The following ZFHX3 variants were observed in gnomAD, a reference collection of about 807,000 sequenced individuals.
The protein encoded by ZFHX3 is zinc finger homeobox 3, also known as zinc finger homeobox protein 3.
Under a neutral mutation model 279.1 loss-of-function variants are expected in ZFHX3, and 42 were observed. The ratio of observed to expected loss-of-function variants is 0.15; its 90% confidence interval spans 0.12 to 0.19. ZFHX3 has a LOEUF of 0.19. ZFHX3 is among the 10% of genes least tolerant of loss of function. ZFHX3 has a pLI of 1.00. For synonymous variants in ZFHX3, 2,293 were observed against 1,957.8 expected (o/e 1.17, Z -4.52); for missense variants, 4,981 against 4,754.0 (o/e 1.05, Z -1.40).
chr16:73,385,484 C>G (rs531345249), intron 3 of ZFHX3, among the ~76,000 whole-genome samples: 2 of 152,250 alleles, frequency 1.3e-5, no homozygotes, highest in African/African-American at 4.8e-5. Flanking sequence ...CAGCTCCAAT[C>G]TCTCCAACTG....
chr16:73,642,843 C>A (rs1480570), intron 2 of ZFHX3, among the ~76,000 whole-genome samples: 82,988 of 151,972 alleles, frequency 0.55, 25,409 homozygotes, highest in East Asian at 0.82. Context: ...TCAAACTGCT[C>A]CATCCATCAA....
chr16:73,057,596 A>T (rs755609558), intron 1 of ZFHX3, among the ~76,000 whole-genome samples: 1 of 151,244 alleles, frequency 6.6e-6, no homozygotes, highest in Non-Finnish European at 1.5e-5. Flanking sequence ...GCATCCTCGG[A>T]TGTCTCTGAG....
At chr16:72,820,488 TAATA>T (rs2036759856) in intron 5 of ZFHX3, among the ~76,000 whole-genome samples, 1 of 152,228 alleles carries the variant, frequency 6.6e-6, no homozygotes, top group African/African-American at 2.4e-5. Context: ...TTGGTCTGTT[TAATA>T]AATTATAGGC....
chr16:72,911,224 A>G (rs1161626689), intron 3 of ZFHX3, among the ~76,000 whole-genome samples: 2 of 152,248 alleles, frequency 1.3e-5, no homozygotes, highest in Non-Finnish European at 2.9e-5. Flanking sequence ...ATTCTGCCAC[A>G]GGAGTTAATA....
chr16:73,582,621 C>T (rs2051873886), intron 2 of ZFHX3, among the ~76,000 whole-genome samples: 1 of 151,796 alleles, frequency 6.6e-6, no homozygotes. Context: ...ATTACAGGTG[C>T]CCAGCACCAC....
intron 4 of ZFHX3, among the ~76,000 whole-genome samples, chr16:73,307,033 T>C (rs536474091): frequency 9.5e-4 from 144 of 152,314 alleles, no homozygotes; most frequent in African/African-American, 3.3e-3. Context: ...ACTGACAACA[T>C]AAAATGGAGG....
chr16:73,526,051 A>T (rs2019686476), intron 2 of ZFHX3, among the ~76,000 whole-genome samples: 1 of 152,214 alleles, frequency 6.6e-6, no homozygotes, highest in African/African-American at 2.4e-5. Context: ...TAACATAAAG[A>T]TGAGGACGTG....
At chr16:72,965,851 T>C (rs942393604) in intron 1 of ZFHX3, among the ~76,000 whole-genome samples, 6 of 152,188 alleles carry the variant, frequency 3.9e-5, no homozygotes, top group African/African-American at 7.2e-5. Flanking sequence ...AGGGGTGGGA[T>C]GATCCTGAGG....
chr16:73,458,594 G>T (rs1183436198), intron 2 of ZFHX3, among the ~76,000 whole-genome samples: 1 of 152,046 alleles, frequency 6.6e-6, no homozygotes, highest in Non-Finnish European at 1.5e-5. Flanking sequence ...CTGACCTCAG[G>T]TGATCCACTC....
intron 5 of ZFHX3, among the ~76,000 whole-genome samples, chr16:72,814,668 G>A (rs925706692): frequency 1.3e-5 from 2 of 150,434 alleles, no homozygotes; most frequent in Non-Finnish European, 3.0e-5. Flanking sequence ...TCTTTTGTGA[G>A]CTTGAGCTAA....
At position 73,129,166 on chromosome 16, in the gene ZFHX3, A is replaced by G. The variant is rs542468693; in HGVS notation, c.-897+1802T>C. ...TTTGGGAGGCTGAAGTGGGCAGATCACTTGAGGTCGGGAGTTTCTAAGACC... is the reference window on the plus strand; with the variant it reads ...TTTGGGAGGCTGAAGTGGGCAGATCGCTTGAGGTCGGGAGTTTCTAAGACC... On this transcript the variant is annotated intron_variant, in intron 7 of 17. Coordinates refer to the ZFHX3 transcript ENST00000641206. Among the ~76,000 whole-genome samples the G allele has an allele frequency of 9.2e-5, 14 of 152,208 alleles. 1 individual carries two copies. The East Asian group carries it at 2.7e-3, about 29-fold the overall frequency.
intron 2 of ZFHX3, among the ~76,000 whole-genome samples, chr16:73,492,009 G>A (rs1473743381): frequency 1.3e-5 from 2 of 152,148 alleles, no homozygotes; most frequent in African/African-American, 4.8e-5. Context: ...CCTTTCAGCT[G>A]CATATTCTTG....
intron 2 of ZFHX3, among the ~76,000 whole-genome samples, chr16:73,623,947 C>G (rs2052392561): frequency 6.6e-6 from 1 of 152,174 alleles, no homozygotes. Context: ...GTTATAGAAT[C>G]TAATCTTGGG....
intron 2 of ZFHX3, among the ~76,000 whole-genome samples, chr16:73,513,452 A>C (rs1199857181): frequency 6.6e-6 from 1 of 152,182 alleles, no homozygotes; most frequent in Admixed American, 6.5e-5. Flanking sequence ...CCAAGGTAGG[A>C]GCATTTTCCT....
At chr16:73,032,721 C>G (rs183188710) in intron 1 of ZFHX3, among the ~76,000 whole-genome samples, 2 of 151,898 alleles carry the variant, frequency 1.3e-5, no homozygotes, top group Non-Finnish European at 1.5e-5. Flanking sequence ...AGAGTCCACA[C>G]GCTTGCAAAG....
intron 2 of ZFHX3, among the ~76,000 whole-genome samples, chr16:73,626,411 A>G (rs2052417329): frequency 1.3e-5 from 2 of 152,132 alleles, no homozygotes; most frequent in Non-Finnish European, 1.5e-5. Context: ...GCAAATTTTC[A>G]TAGGAAATTT....
Position 72,795,350 on chromosome 16 carries a change from T to C in ZFHX3, c.7332A>G (p.Gln2444=). The C allele has an allele frequency of 6.2e-7, 1 of 1,614,118 alleles. No homozygotes were observed. The highest frequency in any genetic ancestry group is 8.5e-7 in the Non-Finnish European group (1 of 1,180,024). ...EAPSAQPNQT[Q]EKQGQPKPEL... is the part of the protein sequence containing the mutation. ...CTGGCTTTGGTTGTCCTTGCTTTTCTTGGGTTTGGTTTGGCTGTGCACTGG... is the reference window on the plus strand; with the variant it reads ...CTGGCTTTGGTTGTCCTTGCTTTTCCTGGGTTTGGTTTGGCTGTGCACTGG... The change falls in exon 9 of 10, where the codon CAA becomes CAG. Residue 2444 remains glutamine (Q), a synonymous_variant. Transcript: ENST00000268489.
intron 4 of ZFHX3, among the ~76,000 whole-genome samples, chr16:72,879,342 CA>C (rs1423243796): frequency 2.0e-5 from 3 of 152,186 alleles, no homozygotes; most frequent in Admixed American, 1.3e-4. Context: ...GCATCTACCC[CA>C]ACCAGAGCAC....
chr16:73,046,722 G>A (rs573608084), intron 1 of ZFHX3, among the ~76,000 whole-genome samples: 8 of 152,288 alleles, frequency 5.3e-5, no homozygotes, highest in African/African-American at 1.9e-4. Context: ...GAAATAAGAT[G>A]ATGTGTAACT....
Sources: allele counts gnomAD v4.1 joint callset (sites outside exome capture counted in the v4.1 genomes callset), GRCh38; gene constraint gnomAD v4.1.1; transcripts MANE v1.5; gene names NCBI Gene and HGNC (gene_info 2026-07-23, HGNC 2026-07-21).